Variants in PTBP3 observed in about 807,000 individuals in gnomAD.
PTBP3 encodes the protein polypyrimidine tract binding protein 3, also known as polypyrimidine tract-binding protein 3.
Under a neutral mutation model 58.7 loss-of-function variants are expected in PTBP3, and 20 were observed. The observed-to-expected ratio is 0.34, with a 90% CI of 0.24 to 0.50. The LOEUF (loss-of-function observed/expected upper bound fraction) is 0.50. Among genes scored for constraint, PTBP3 ranks in the 20% least tolerant of loss-of-function variants. The probability of loss-of-function intolerance (pLI) is 0.98; values close to 1 mark genes in which losing one functional copy is unlikely to be tolerated. For synonymous variants in PTBP3, 185 were observed against 219.8 expected (o/e 0.84, Z 1.40); for missense variants, 509 against 637.2 (o/e 0.80, Z 2.17).
At position 112,290,225 on chromosome 9, in the gene PTBP3, T is replaced by C. The variant is rs1021566748; in HGVS notation, c.34+7607A>G. ...TAAAGAGAAAAAGCAAACAACCCAATAGAAGAATAGGCAAAAGATCTCAGT... is the reference window on the plus strand; with the variant it reads ...TAAAGAGAAAAAGCAAACAACCCAACAGAAGAATAGGCAAAAGATCTCAGT... On this transcript the variant is annotated intron_variant, in intron 2 of 13. Coordinates refer to ENST00000374257, the MANE Select transcript of PTBP3 (RefSeq NM_001163788.4). Among the ~76,000 whole-genome samples the C allele has an allele frequency of 5.3e-5, 8 of 151,276 alleles. No individual in the cohort carries two copies. In the East Asian group the frequency reaches 9.6e-4, roughly 18 times the overall value.
At chr9:112,361,272 T>C in the PTBP3 span, among the ~76,000 whole-genome samples, 1 of 152,058 alleles carries the variant, frequency 6.6e-6, no homozygotes, top group Non-Finnish European at 1.5e-5. Context: ...AATTTTTTTG[T>C]ATTTTTAGTA....
At chr9:112,231,735 T>C (rs4369055) in intron 9 of PTBP3, among the ~76,000 whole-genome samples, 128,094 of 151,084 alleles carry the variant, frequency 0.85, 54,726 homozygotes, top group African/African-American at 0.95. Context: ...GATCCTGTTT[T>C]TACAAAAGAA....
intron 1 of PTBP3, among the ~76,000 whole-genome samples, chr9:112,307,200 C>A (rs1829257335): frequency 6.6e-6 from 1 of 152,102 alleles, no homozygotes; most frequent in African/African-American, 2.4e-5. Flanking sequence ...CGCCTGTAAT[C>A]CCAGCACTTT....
intron 3 of PTBP3, among the ~76,000 whole-genome samples, chr9:112,269,919 T>A (rs1413177895): frequency 6.7e-6 from 1 of 149,936 alleles, no homozygotes; most frequent in Non-Finnish European, 1.5e-5. Flanking sequence ...ACCAGTTAAT[T>A]AAGTGGCAAT....
At chr9:112,302,507 T>G (rs529089508) in intron 1 of PTBP3, among the ~76,000 whole-genome samples, 12 of 150,398 alleles carry the variant, frequency 8.0e-5, no homozygotes, top group Non-Finnish European at 1.8e-4. Context: ...GAAAGGCACC[T>G]AGACGAGGTG....
the PTBP3 span, among the ~76,000 whole-genome samples, chr9:112,365,654 C>T: frequency 7.9e-5 from 12 of 151,990 alleles, no homozygotes; most frequent in South Asian, 1.5e-3. Context: ...GAAAAGATAC[C>T]GAAAAATGTG....
At chr9:112,277,925 ACATAACAT>A (rs1827687864) in intron 2 of PTBP3, among the ~76,000 whole-genome samples, 1 of 130,362 alleles carries the variant, frequency 7.7e-6, no homozygotes, top group African/African-American at 3.3e-5. Context: ...ACATAACATA[ACATAACAT>A]AACATAACAT....
At chr9:112,283,689 G>A (rs190202405) in intron 2 of PTBP3, among the ~76,000 whole-genome samples, 18 of 152,332 alleles carry the variant, frequency 1.2e-4, no homozygotes, top group Non-Finnish European at 1.9e-4. Context: ...AATGTTAATT[G>A]CCAAGACGAT....
chr9:112,280,811 TTTTAG>T (rs1362634964), intron 2 of PTBP3, among the ~76,000 whole-genome samples: 1 of 150,780 alleles, frequency 6.6e-6, no homozygotes, highest in African/African-American at 2.5e-5. Flanking sequence ...AGTGATTTTT[TTTTAG>T]TTTAGAGATC....
intron 1 of PTBP3, among the ~76,000 whole-genome samples, chr9:112,314,989 G>A (rs558966969): frequency 2.2e-4 from 34 of 152,154 alleles, no homozygotes; most frequent in African/African-American, 8.2e-4. Flanking sequence ...ACGCTGCCAT[G>A]CCCGGCTAAT....
the PTBP3 span, among the ~76,000 whole-genome samples, chr9:112,348,672 C>T: frequency 6.6e-6 from 1 of 152,222 alleles, no homozygotes; most frequent in Admixed American, 6.5e-5. Flanking sequence ...CTCAAGTACC[C>T]GGCTTGGCCC....
intron 10 of PTBP3, 100 bp downstream of exon 10, chr9:112,231,280 A>C (rs977703847): frequency 1.1e-6 from 1 of 929,630 alleles, no homozygotes. Flanking sequence ...TGTCAGCACA[A>C]TACTTGGCAC....
chr9:112,350,450 G>T, the PTBP3 span, among the ~76,000 whole-genome samples: 1 of 152,026 alleles, frequency 6.6e-6, no homozygotes, highest in Non-Finnish European at 1.5e-5. Flanking sequence ...ATTCTTCCAC[G>T]CCCAGTACCC....
chr9:112,305,900 ACTGCACTCCAGC>A (rs1187867173), intron 1 of PTBP3, among the ~76,000 whole-genome samples: 1 of 152,170 alleles, frequency 6.6e-6, no homozygotes, highest in African/African-American at 2.4e-5. Flanking sequence ...AGACCGCGCC[ACTGCACTCCAGC>A]CTGGGCGACA....
chr9:112,222,173 CA>C lies in PTBP3; in HGVS notation c.*1677del. The stretch of plus-strand genomic sequence containing the variant: ...ATCTGAAAAGTGTAAAAGGGGTAGA[CA>C]AAAAAATGACCCTTTTGACAAATTC... On this transcript the variant is annotated 3_prime_UTR_variant, in exon 14 of 14. Coordinates refer to ENST00000374257, the MANE Select transcript of PTBP3 (RefSeq NM_001163788.4). The C allele has an allele frequency of 1.0e-6, 1 of 985,246 alleles. No individual in the cohort carries two copies. The highest frequency in any genetic ancestry group is 1.2e-6 in the Non-Finnish European group (1 of 829,482). 61.0% of individuals were successfully genotyped at this position (985,246 alleles called of 1,614,324 possible).
At chr9:112,295,601 TAA>T (rs35276003) in intron 2 of PTBP3, among the ~76,000 whole-genome samples, 5 of 92,480 alleles carry the variant, frequency 5.4e-5, no homozygotes, top group Non-Finnish European at 6.2e-5. Flanking sequence ...GTTCTGTTGG[TAA>T]AAAAAAAAAA....
chr9:112,302,580 A>ATTTTTT (rs1828984896), intron 1 of PTBP3, among the ~76,000 whole-genome samples: 7 of 79,490 alleles, frequency 8.8e-5, no homozygotes, highest in Non-Finnish European at 9.1e-5. Context: ...TATATTCTTC[A>ATTTTTT]TCTTTTTTTT....
At chr9:112,313,056 G>A (rs1323535033) in intron 1 of PTBP3, among the ~76,000 whole-genome samples, 2 of 151,592 alleles carry the variant, frequency 1.3e-5, no homozygotes, top group African/African-American at 4.8e-5. Context: ...AAAAAAAAAA[G>A]GAAAAGGAAA....
chr9:112,242,271 A>G (rs1835689178), intron 7 of PTBP3, among the ~76,000 whole-genome samples: 1 of 152,292 alleles, frequency 6.6e-6, no homozygotes, highest in East Asian at 1.9e-4. Context: ...CAGGAACTAC[A>G]GGTGTGCTGG....
Sources: allele counts gnomAD v4.1 joint callset (sites outside exome capture counted in the v4.1 genomes callset), GRCh38; gene constraint gnomAD v4.1.1; transcripts MANE v1.5; gene names NCBI Gene and HGNC (gene_info 2026-07-23, HGNC 2026-07-21).